The following NOVA2 variants were observed in gnomAD, a reference collection of about 807,000 sequenced individuals.
NOVA2 encodes RNA-binding protein Nova-2.
In NOVA2, 9 loss-of-function variants were observed where a neutral mutation model predicts 22.5. The observed-to-expected ratio is 0.40, with a 90% CI of 0.24 to 0.70. The LOEUF is 0.70. Among genes scored for constraint, NOVA2 ranks in the 30% least tolerant of loss-of-function variants. The probability of loss-of-function intolerance (pLI) is 0.38; values close to 1 mark genes in which losing one functional copy is unlikely to be tolerated. For synonymous variants in NOVA2, 318 were observed against 335.2 expected, an observed-to-expected ratio of 0.95 and a Z score of 0.56; for missense variants, 383 against 682.8, an observed-to-expected ratio of 0.56 and a Z score of 4.89.
intron 3 of NOVA2, among the ~76,000 whole-genome samples, chr19:45,941,309 A>AATATATATAT (rs4039577): frequency 1.0e-4 from 13 of 129,812 alleles, no homozygotes; most frequent in East Asian, 6.7e-4. Context: ...AAAATAAAAT[A>AATATATATAT]ATATATATAT....
intron 2 of NOVA2, 84 bp from the exon 3 acceptor site, chr19:45,954,030 G>A: frequency 6.9e-7 from 1 of 1,454,180 alleles, no homozygotes; most frequent in Non-Finnish European, 9.5e-7. Context: ...TAATGGAAGA[G>A]GCAAGCTGAG....
At chr19:45,970,604 G>T (rs1181802911) in intron 1 of NOVA2, among the ~76,000 whole-genome samples, 1 of 152,018 alleles carries the variant, frequency 6.6e-6, no homozygotes, top group African/African-American at 2.4e-5. Flanking sequence ...TTGAACTCCT[G>T]ACCTCAAATG....
At chr19:45,959,308 G>A (rs544651500) in intron 2 of NOVA2, among the ~76,000 whole-genome samples, 1 of 152,312 alleles carries the variant, frequency 6.6e-6, no homozygotes, top group South Asian at 2.1e-4. Flanking sequence ...GCCAGGAGTG[G>A]GGATGGGGGC....
At chr19:45,950,309 C>T (rs1437052756) in intron 3 of NOVA2, among the ~76,000 whole-genome samples, 1 of 151,844 alleles carries the variant, frequency 6.6e-6, no homozygotes, top group East Asian at 1.9e-4. Context: ...CAGGTGTGCA[C>T]CACCATGCCC....
chr19:45,954,304 A>G (rs759464347), intron 2 of NOVA2, among the ~76,000 whole-genome samples: 3 of 151,576 alleles, frequency 2.0e-5, no homozygotes, highest in Admixed American at 6.6e-5. Flanking sequence ...GCAACCATTC[A>G]CTCACTCCGC....
intron 1 of NOVA2, among the ~76,000 whole-genome samples, chr19:45,971,720 G>T (rs1968234690): frequency 6.6e-6 from 1 of 152,130 alleles, no homozygotes; most frequent in Non-Finnish European, 1.5e-5. Context: ...CTCCCATCCG[G>T]AGGAAAAGGC....
At chr19:45,960,864 C>T in intron 2 of NOVA2, 146 bp downstream of exon 2, 4 of 839,702 alleles carry the variant, frequency 4.8e-6, no homozygotes, top group Non-Finnish European at 3.6e-6. Context: ...GGGGGCAGCT[C>T]TGTCCCCTTA....
chr19:45,962,217 C>G (rs952211487), intron 1 of NOVA2: 1 of 154,000 alleles, frequency 6.5e-6, no homozygotes, highest in Non-Finnish European at 1.5e-5. Flanking sequence ...CAGGTGGAAG[C>G]GGTGAGCGGG....
rs1967736890 is a variant in NOVA2 at position 45,940,538 on chromosome 19, C to G, written c.804G>C (p.Leu268=). 6.7e-7 allele frequency: 1 copy of G among 1,498,016 alleles called. No homozygotes were observed. Among genetic ancestry groups the G allele is most frequent in the Non-Finnish European group, 8.9e-7 (1 of 1,126,030 alleles). 92.8% of individuals were successfully genotyped at this position (1,498,016 alleles called of 1,614,324 possible). A position where few individuals can be genotyped will look rare whatever the true frequency, so the allele number is the denominator to read the frequency against. The change falls in exon 4 of 4, where the codon CTG becomes CTC. Residue 268 remains leucine (L), a synonymous_variant. Coordinates refer to ENST00000263257, the MANE Select transcript of NOVA2 (RefSeq NM_002516.4). ...LAGVGAFPAA[L]PAFSGTDLLA... Reference sequence around the variant, plus strand: ...GCAGGTCGGTGCCTGAGAAGGCGGGCAGCGCGGCGGGAAAGGCCCCCACGC... The same window carrying G: ...GCAGGTCGGTGCCTGAGAAGGCGGGGAGCGCGGCGGGAAAGGCCCCCACGC...
At chr19:45,964,662 G>C (rs1359920775) in intron 1 of NOVA2, among the ~76,000 whole-genome samples, 1 of 151,474 alleles carries the variant, frequency 6.6e-6, no homozygotes, top group East Asian at 1.9e-4. Flanking sequence ...CTGGGCTCAA[G>C]TGATCCTCCT....
At chr19:45,945,920 C>T (rs1967830817) in intron 3 of NOVA2, among the ~76,000 whole-genome samples, 1 of 149,318 alleles carries the variant, frequency 6.7e-6, no homozygotes, top group Non-Finnish European at 1.5e-5. Context: ...ATGCAACCTC[C>T]ACCTCCTGGG....
At chr19:45,969,611 A>G (rs551419280) in intron 1 of NOVA2, among the ~76,000 whole-genome samples, 30 of 148,088 alleles carry the variant, frequency 2.0e-4, no homozygotes, top group African/African-American at 7.2e-4. Flanking sequence ...ATGTCTGTAT[A>G]TGGGTTTTTA....
In NOVA2 at chr19:45,937,078, A is replaced by C. The variant is rs1967664924; in HGVS notation, c.*2785T>G. ...GGAAAGGTGTGGCTCTCTGCTCACC[A>C]ACATGGTGAGTGAACTAGCTCACTG... On this transcript the variant is annotated 3_prime_UTR_variant, in exon 4 of 4. Coordinates refer to ENST00000263257, the MANE Select transcript of NOVA2 (RefSeq NM_002516.4). 6.6e-6 allele frequency: 1 copy of C among 152,136 alleles called. No homozygotes were observed. The highest frequency in any genetic ancestry group is 1.5e-5 in the Non-Finnish European group (1 of 68,026). The allele number at this position is 152,136 out of a possible 1,614,324, so 9.4% of individuals were successfully genotyped here.
chr19:45,969,682 A>G (rs1279072714), intron 1 of NOVA2, among the ~76,000 whole-genome samples: 1 of 152,122 alleles, frequency 6.6e-6, no homozygotes, highest in Non-Finnish European at 1.5e-5. Flanking sequence ...TTATTGTTGC[A>G]GCTTAAGAGT....
Position 45,936,461 on chromosome 19 carries a change from A to G in NOVA2, c.*3402T>C, listed in dbSNP as rs1030346579. On this transcript the variant is annotated 3_prime_UTR_variant, in exon 4 of 4. Coordinates refer to ENST00000263257, the MANE Select transcript of NOVA2 (RefSeq NM_002516.4). ...TTAGCTCCATGTCCACACTTTTGCA[A>G]TGCCTCTTAGGGACCTCCTCAAAGA... The G allele has an allele frequency of 2.6e-5, 4 of 151,462 alleles. No homozygotes were observed. Among genetic ancestry groups the G allele is most frequent in the Admixed American group, 1.3e-4 (2 of 15,206 alleles). 9.4% of individuals were successfully genotyped at this position (151,462 alleles called of 1,614,324 possible).
Position 45,958,619 on chromosome 19 carries a change from G to A in NOVA2, c.229+2391C>T, listed in dbSNP as rs999825642. ...TGAGCATGACAGTGTGCGTGTCAGC[G>A]TGTGTGAGTGTGAGCGTGTGAGACT... On this transcript the variant is annotated intron_variant, in intron 2 of 3. Coordinates refer to ENST00000263257, the MANE Select transcript of NOVA2 (RefSeq NM_002516.4). Among the ~76,000 whole-genome samples the A allele has an allele frequency of 4.0e-5, 6 of 151,342 alleles. No homozygotes were observed. In the South Asian group the frequency reaches 6.2e-4, roughly 16 times the overall value.
At chr19:45,972,618 T>C (rs972467073) in intron 1 of NOVA2, among the ~76,000 whole-genome samples, 1 of 151,944 alleles carries the variant, frequency 6.6e-6, no homozygotes, top group African/African-American at 2.4e-5. Context: ...CCCCCTATGC[T>C]GTCATATTCC....
intron 1 of NOVA2, among the ~76,000 whole-genome samples, chr19:45,968,687 C>T (rs1968196857): frequency 6.6e-6 from 1 of 152,042 alleles, no homozygotes; most frequent in African/African-American, 2.4e-5. Flanking sequence ...TCATCTAATG[C>T]ACAAAACCCA....
intron 3 of NOVA2, among the ~76,000 whole-genome samples, chr19:45,953,212 A>G (rs927470801): frequency 9.2e-5 from 14 of 152,180 alleles, no homozygotes; most frequent in Non-Finnish European, 1.8e-4. Flanking sequence ...CCCCTATGCC[A>G]CTGCTTCCCC....
Sources: allele counts gnomAD v4.1 joint callset (sites outside exome capture counted in the v4.1 genomes callset), GRCh38; gene constraint gnomAD v4.1.1; transcripts MANE v1.5; gene names NCBI Gene and HGNC (gene_info 2026-07-23, HGNC 2026-07-21).